Variants in CERK observed in about 807,000 individuals in gnomAD.
CERK encodes the protein acylsphingosine kinase.
Under a neutral mutation model 63.4 loss-of-function variants are expected in CERK, and 39 were observed. The observed-to-expected ratio is 0.61, with a 90% CI of 0.48 to 0.80. The LOEUF (loss-of-function observed/expected upper bound fraction) is 0.80, where lower values mean the gene tolerates loss of function less well. Ranked by LOEUF, CERK falls within the 30% of genes least tolerant of loss-of-function variation. CERK has a pLI of 0.00. For synonymous variants in CERK, 302 were observed against 280.0 expected (o/e 1.08, Z -0.78); for missense variants, 670 against 714.1 (o/e 0.94, Z 0.70).
intron 8 of CERK, among the ~76,000 whole-genome samples, chr22:46,697,196 G>A (rs529495164): frequency 3.2e-4 from 48 of 152,264 alleles, no homozygotes; most frequent in African/African-American, 6.5e-4. Context: ...GGAATTACTC[G>A]ATTTAATTTG....
Position 46,712,016 on chromosome 22 carries a change from G to T in CERK, c.505+152C>A, listed in dbSNP as rs115100903. On this transcript the variant is annotated intron_variant, in intron 4 of 12. Coordinates refer to ENST00000216264, the MANE Select transcript of CERK (RefSeq NM_022766.6). Reference sequence around the variant, plus strand: ...GCAGGAGGATCATCTGAGTCAAGGAGGCTGAGGTTACAGTGACCCACAATT... The same window carrying T: ...GCAGGAGGATCATCTGAGTCAAGGATGCTGAGGTTACAGTGACCCACAATT... The T allele has an allele frequency of 6.8e-6, 5 of 734,308 alleles. No individual in the cohort carries two copies. The African/African-American group carries it at 8.9e-5, about 13-fold the overall frequency. 45.5% of individuals were successfully genotyped at this position (734,308 alleles called of 1,614,324 possible). A position where few individuals can be genotyped will look rare whatever the true frequency, so the allele number is the denominator to read the frequency against.
At chr22:46,699,537 A>G (rs2082773198) in intron 7 of CERK, 72 bp from the exon 8 acceptor site, 5 of 1,436,862 alleles carry the variant, frequency 3.5e-6, no homozygotes, top group Non-Finnish European at 4.8e-6. Flanking sequence ...ATCCCCTTCA[A>G]TAGCACTTTG....
intron 1 of CERK, among the ~76,000 whole-genome samples, chr22:46,721,878 C>A (rs1048433941): frequency 6.6e-6 from 1 of 152,182 alleles, no homozygotes; most frequent in African/African-American, 2.4e-5. Context: ...CCATTCCACC[C>A]GAGCCACCTG....
At chr22:46,729,384 A>C (rs1165791577) in intron 1 of CERK, among the ~76,000 whole-genome samples, 2 of 152,170 alleles carry the variant, frequency 1.3e-5, no homozygotes, top group Non-Finnish European at 2.9e-5. Flanking sequence ...AATTAAATAG[A>C]AAAATTGTCC....
At chr22:46,691,046 TATAC>T (rs894250070) in intron 11 of CERK, among the ~76,000 whole-genome samples, 37 of 108,492 alleles carry the variant, frequency 3.4e-4, no homozygotes, top group Non-Finnish European at 6.0e-4. Flanking sequence ...CACACACATG[TATAC>T]ATACATACAC....
intron 3 of CERK, among the ~76,000 whole-genome samples, chr22:46,712,581 T>C (rs111448473): frequency 6.9e-4 from 105 of 152,258 alleles, no homozygotes; most frequent in African/African-American, 2.4e-3. Context: ...CTCTGAAGGG[T>C]GCTGTCGGGT....
chr22:46,732,230 T>A (rs2082948993), intron 1 of CERK, among the ~76,000 whole-genome samples: 1 of 151,440 alleles, frequency 6.6e-6, no homozygotes. Flanking sequence ...TGTATGCGGG[T>A]GACAGGCTGG....
Position 46,712,282 on chromosome 22 carries a change from T to C in CERK, c.391A>G (p.Lys131Glu). The change falls in exon 4 of 13, where the codon AAG becomes GAG. Residue 131 changes from lysine to glutamate, a missense_variant. Transcript: ENST00000216264. ...GGGTTGATAAATACCAGTAAATGCT[T>C]TGGTCTGGACGCTGTAAGACAACAA... ...EMLEKLTSRP[K>E]HLLVFINPFG... 1 of 1,614,008 alleles carries C rather than the reference T, an allele frequency of 6.2e-7. No individual in the cohort carries two copies. The highest frequency in any genetic ancestry group is 8.5e-7 in the Non-Finnish European group (1 of 1,179,902).
Position 46,711,150 on chromosome 22 carries a change from C to G in CERK, c.506-1G>C. 1 of 1,612,176 alleles carries G rather than the reference C, an allele frequency of 6.2e-7. No homozygotes were observed. Among genetic ancestry groups the G allele is most frequent in the South Asian group, 1.1e-5 (1 of 91,038 alleles). ...TTGGCCTGATTAGCATGTTCAGTAA[C>G]TGTGGGGAAAAATTACATCACACAG... On this transcript the variant is annotated splice_acceptor_variant, in intron 4 of 12. Coordinates refer to ENST00000216264, the MANE Select transcript of CERK (RefSeq NM_022766.6). LOFTEE classifies it high-confidence loss of function.
chr22:46,707,782 T>C (rs1373499401), intron 6 of CERK, 61 bp downstream of exon 6: 6 of 1,546,854 alleles, frequency 3.9e-6, no homozygotes, highest in Admixed American at 3.8e-5. Flanking sequence ...TGGCTACTTG[T>C]GCAGAACAAT....
intron 8 of CERK, among the ~76,000 whole-genome samples, 196 bp downstream of exon 8, chr22:46,699,117 G>C (rs1190757298): frequency 1.3e-5 from 2 of 151,940 alleles, no homozygotes; most frequent in Admixed American, 1.3e-4. Flanking sequence ...GCAGGATCTG[G>C]TTTAGAGCAA....
In CERK at chr22:46,704,459, C is replaced by G. The variant is rs2082803519; in HGVS notation, c.716-2749G>C. On this transcript the variant is annotated intron_variant, in intron 6 of 12. Coordinates refer to ENST00000216264, the MANE Select transcript of CERK (RefSeq NM_022766.6). ...ACATACAAAGTTAAAAGACCAAAAC[C>G]TAATTTGGAAAAGAGTTGCAAGACA... is the stretch of plus-strand genomic sequence containing the variant. 1.3e-5 allele frequency among the ~76,000 whole-genome samples: 2 copies of G among 152,140 alleles called. 1 individual carries two copies. The highest frequency in any genetic ancestry group is 4.1e-4 in the South Asian group (2 of 4,822).
intron 8 of CERK, 23 bp downstream of exon 8, chr22:46,699,290 G>C: frequency 6.2e-7 from 1 of 1,612,488 alleles, no homozygotes; most frequent in Non-Finnish European, 8.5e-7. Flanking sequence ...AGCGGGGAGC[G>C]AGTCTGCATT....
At position 46,712,266 on chromosome 22, in the gene CERK, A is replaced by T. The variant is rs141644026; in HGVS notation, c.407T>A (p.Phe136Tyr). Reference sequence around the variant, plus strand: ...TCCTTTTCCTCCAAACGGGTTGATAAATACCAGTAAATGCTTTGGTCTGGA... The same window carrying T: ...TCCTTTTCCTCCAAACGGGTTGATATATACCAGTAAATGCTTTGGTCTGGA... ...LTSRPKHLLV[F>Y]INPFGGKGQG... Residue 136 changes from phenylalanine (F) to tyrosine (Y), a missense_variant, in exon 4 of 13, where the codon TTT becomes TAT. By Grantham distance (22) the Phe-to-Tyr change is conservative. Coordinates refer to ENST00000216264, the MANE Select transcript of CERK (RefSeq NM_022766.6). 1,004 of 1,613,940 alleles carry T rather than the reference A, an allele frequency of 6.2e-4. 2 individuals are homozygous for T. Among genetic ancestry groups the T allele is most frequent in the Non-Finnish European group, 5.8e-4 (690 of 1,179,932 alleles).
rs548254950 is a variant in CERK, at chr22:46,691,254, G to A, written c.1332+318C>T. Among the ~76,000 whole-genome samples the A allele has an allele frequency of 3.3e-5, 5 of 152,122 alleles. No individual in the cohort carries two copies. In the South Asian group the frequency reaches 1.0e-3, roughly 32 times the overall value. ...CACGCCTGGCTTTTTTGTATTTTTAGTAGAGATGAGGTTTCACCATGTTGC... is the reference window on the plus strand; with the variant it reads ...CACGCCTGGCTTTTTTGTATTTTTAATAGAGATGAGGTTTCACCATGTTGC... On this transcript the variant is annotated intron_variant, in intron 11 of 12. Transcript: ENST00000216264.
chr22:46,723,047 A>G (rs1402467074), intron 1 of CERK, among the ~76,000 whole-genome samples: 7 of 152,192 alleles, frequency 4.6e-5, no homozygotes, highest in Admixed American at 1.3e-4. Context: ...ATGACTCTGA[A>G]TAGCTACAAG....
chr22:46,716,389 C>T (rs1350065407), intron 3 of CERK, among the ~76,000 whole-genome samples: 4 of 151,146 alleles, frequency 2.6e-5, no homozygotes, highest in Non-Finnish European at 5.9e-5. Context: ...TGGGGTTTCA[C>T]CATGTTGGCC....
chr22:46,731,375 G>T lies in CERK; in HGVS notation c.142+6632C>A, dbSNP rs543822880. ...CCCCCGCCAAGGTGGCCTTAGCAGA[G>T]GCCTGGCGGGAGCTGTACCCCCCAC... On this transcript the variant is annotated intron_variant, in intron 1 of 12. Coordinates refer to ENST00000216264, the MANE Select transcript of CERK (RefSeq NM_022766.6). Among the ~76,000 whole-genome samples, 130 of 152,334 alleles carry T rather than the reference G, an allele frequency of 8.5e-4. 2 individuals carry two copies. The highest frequency in any genetic ancestry group is 2.9e-3 in the African/African-American group (120 of 41,588).
chr22:46,711,030 G>A, intron 5 of CERK, 56 bp downstream of exon 5: 3 of 1,427,480 alleles, frequency 2.1e-6, no homozygotes, highest in Admixed American at 1.7e-5. Context: ...CTGAGAGGTG[G>A]GTAGAACTTT....
Sources: allele counts gnomAD v4.1 joint callset (sites outside exome capture counted in the v4.1 genomes callset), GRCh38; gene constraint gnomAD v4.1.1; transcripts MANE v1.5; gene names NCBI Gene and HGNC (gene_info 2026-07-23, HGNC 2026-07-21).